The following DNAJB1 variants were observed in gnomAD, a reference collection of about 807,000 sequenced individuals.
DNAJB1 encodes the protein dnaJ homolog subfamily B member 1.
A neutral mutation model predicts 24.0 loss-of-function variants in DNAJB1; 14 were observed. The observed-to-expected ratio is 0.58, with a 90% CI of 0.39 to 0.91. The LOEUF (loss-of-function observed/expected upper bound fraction) is 0.91, where lower values mean the gene tolerates loss of function less well. Among genes scored for constraint, DNAJB1 ranks in the 40% least tolerant of loss-of-function variants. The probability of loss-of-function intolerance (pLI) is 0.00; values close to 1 mark genes in which losing one functional copy is unlikely to be tolerated. For synonymous variants in DNAJB1, 262 were observed against 174.4 expected, an observed-to-expected ratio of 1.50 and a Z score of -3.96; for missense variants, 517 against 458.1, an observed-to-expected ratio of 1.13 and a Z score of -1.17.
intron 1 of DNAJB1, among the ~76,000 whole-genome samples, chr19:14,559,244 C>T (rs1599487792): frequency 6.6e-6 from 1 of 152,240 alleles, no homozygotes; most frequent in African/African-American, 2.4e-5. Context: ...ATTGAGTGCA[C>T]GTGCATCATT....
upstream of DNAJB1, chr19:14,518,419 CTATATA>C: frequency 7.8e-7 from 1 of 1,281,076 alleles, no homozygotes; most frequent in South Asian, 1.9e-5. Flanking sequence ...GTCCCGGACT[CTATATA>C]CCCGTCCGGC....
chr19:14,535,570 ATATATATATATATATATATGTATG>A lies in DNAJB1; in HGVS notation c.-213-7784_-213-7761del, dbSNP rs1427046120. 3.0e-3 allele frequency among the ~76,000 whole-genome samples: 61 copies of A among 20,476 alleles called. 1 individual carries two copies. The highest frequency in any genetic ancestry group is 8.5e-3 in the East Asian group (10 of 1,172). 13.4% of individuals were successfully genotyped at this position (20,476 alleles called of 152,430 possible). On this transcript the variant is annotated intron_variant, in intron 1 of 3. Coordinates refer to the DNAJB1 transcript ENST00000676982. ...TATATATATATATATATATATATAT[ATATATATATATATATATATGTATG>A]TATATATAAATTAGCCAGGCATCAT...
upstream of DNAJB1, chr19:14,529,836 A>T (rs2072551830): frequency 5.0e-6 from 7 of 1,399,398 alleles, no homozygotes; most frequent in Admixed American, 3.7e-5. Context: ...GCGCAGGCGC[A>T]GTGGGCAAGC....
At chr19:14,540,303 C>T (rs1223945340) in intron 1 of DNAJB1, among the ~76,000 whole-genome samples, 4 of 151,966 alleles carry the variant, frequency 2.6e-5, no homozygotes, top group African/African-American at 7.3e-5. Flanking sequence ...CTCCTGACCT[C>T]GTGATCCACC....
At chr19:14,550,927 C>A (rs1158082307), upstream of DNAJB1, among the ~76,000 whole-genome samples, 1 of 152,006 alleles carries the variant, frequency 6.6e-6, no homozygotes, top group Non-Finnish European at 1.5e-5. Context: ...CCACCTTGGC[C>A]TCCCAGAGTA....
chr19:14,517,484 A>T (rs2146522216), intron 1 of DNAJB1: 1 of 160,320 alleles, frequency 6.2e-6, no homozygotes, highest in African/African-American at 2.4e-5. Context: ...CTCACACATT[A>T]GCATTCACTG....
At chr19:14,534,463 T>C (rs372686119), upstream of DNAJB1, among the ~76,000 whole-genome samples, 27 of 111,066 alleles carry the variant, frequency 2.4e-4, no homozygotes, top group African/African-American at 9.2e-4. Flanking sequence ...TGTGACAGAG[T>C]CTCGCTCTGT....
chr19:14,526,766 C>A (rs954406098), intron 2 of DNAJB1, among the ~76,000 whole-genome samples: 1 of 152,182 alleles, frequency 6.6e-6, no homozygotes, highest in Non-Finnish European at 1.5e-5. Flanking sequence ...ATGGAAGACT[C>A]ACCTCTTCAG....
Position 14,516,651 on chromosome 19 carries a change from T to G in DNAJB1, c.607A>C (p.Ile203Leu), listed in dbSNP as rs753009308. ...DGKSIRNEDK[I>L]LTIEVKKGWK... ...CCCTTCTTCACTTCGATGGTCAATA[T>G]TTTGTCTTCGTTTCGAATGCTCTTT... The change falls in exon 2 of 3, where the codon ATA (isoleucine) becomes CTA (leucine). Residue 203 changes from isoleucine to leucine, a missense_variant. Physicochemically the swap from Ile to Leu is conservative, Grantham distance 5. Coordinates refer to ENST00000254322, the MANE Select transcript of DNAJB1 (RefSeq NM_006145.3). 2 of 1,614,220 alleles carry G rather than the reference T, an allele frequency of 1.2e-6. No homozygotes were observed. The highest frequency in any genetic ancestry group is 1.7e-6 in the Non-Finnish European group (2 of 1,180,044).
intron 1 of DNAJB1, among the ~76,000 whole-genome samples, chr19:14,538,721 C>G (rs141867014): frequency 6.6e-6 from 1 of 150,698 alleles, no homozygotes; most frequent in Non-Finnish European, 1.5e-5. Flanking sequence ...TTAGTAGAGA[C>G]GGGGTTTCAG....
At chr19:14,557,203 A>G (rs930710441) in intron 1 of DNAJB1, among the ~76,000 whole-genome samples, 2 of 150,702 alleles carry the variant, frequency 1.3e-5, no homozygotes, top group Non-Finnish European at 3.0e-5. Context: ...GCAATGGCAT[A>G]AACTCAGCTC....
rs768069872 is a variant in DNAJB1, at chr19:14,515,941, T to TA, written c.1021dup (p.Ter341LeufsTer4). The TA allele has an allele frequency of 1.2e-6, 2 of 1,606,576 alleles. No homozygotes were observed. ...TCAGTCCTTGGGGAGCTCAGATAGC[T>TA]ATATTGGAAGAACCTGCTCAAGTAC... On this transcript the variant is annotated frameshift_variant and stop_lost, in exon 3 of 3. Transcript: ENST00000254322. LOFTEE classifies it high-confidence loss of function.
chr19:14,517,478 C>T (rs2072291344), intron 1 of DNAJB1: 1 of 162,634 alleles, frequency 6.1e-6, no homozygotes, highest in Non-Finnish European at 1.3e-5. Flanking sequence ...TAAATCCTCA[C>T]ACATTAGCAT....
intron 1 of DNAJB1, 67 bp from the exon 2 acceptor site, chr19:14,517,113 G>A (rs1254732313): frequency 6.6e-7 from 1 of 1,504,098 alleles, no homozygotes; most frequent in Admixed American, 2.0e-5. Context: ...TTCCCTTACA[G>A]GGGGAAACAG....
Position 14,516,491 on chromosome 19 carries a change from T to C in DNAJB1, c.767A>G (p.Tyr256Cys). The C allele has an allele frequency of 3.1e-6, 5 of 1,613,468 alleles. No individual in the cohort carries two copies. The highest frequency in any genetic ancestry group is 3.4e-6 in the Non-Finnish European group (4 of 1,179,410). ...IFKRDGSDVI[Y>C]PARISLREAL... ...CTCCCGGAGGCTGATCCTGGCAGGATAAATGACATCAGAGCCATCTCTCTT... is the reference window on the plus strand; with the variant it reads ...CTCCCGGAGGCTGATCCTGGCAGGACAAATGACATCAGAGCCATCTCTCTT... The change falls in exon 2 of 3, where the codon TAT becomes TGT. Residue 256 changes from tyrosine to cysteine, a missense_variant. Coordinates refer to ENST00000254322, the MANE Select transcript of DNAJB1 (RefSeq NM_006145.3).
intron 2 of DNAJB1, among the ~76,000 whole-genome samples, chr19:14,527,165 C>CTTTTTTTTTTTTTTTTTTTTTT (rs369143149): frequency 4.8e-5 from 2 of 41,264 alleles, no homozygotes; most frequent in Non-Finnish European, 8.1e-5. Flanking sequence ...AATATCTCTG[C>CTTTTTTTTTTTTTTTTTTTTTT]TTTTTTTTTT....
upstream of DNAJB1, chr19:14,529,373 C>A: frequency 3.8e-6 from 2 of 530,616 alleles, no homozygotes; most frequent in Non-Finnish European, 6.9e-6. Flanking sequence ...CAGAGACCTC[C>A]TTTGGATTGG....
chr19:14,548,618 C>T (rs2073382831), intron 1 of DNAJB1, among the ~76,000 whole-genome samples: 1 of 152,086 alleles, frequency 6.6e-6, no homozygotes, highest in Admixed American at 6.6e-5. Context: ...TGCACTGTCG[C>T]CCAGGCTGGA....
At chr19:14,548,184 G>C (rs777071934) in intron 1 of DNAJB1, among the ~76,000 whole-genome samples, 1 of 151,698 alleles carries the variant, frequency 6.6e-6, no homozygotes, top group Non-Finnish European at 1.5e-5. Flanking sequence ...GGATCGTGTC[G>C]ATCTCCTGAC....
Sources: gnomAD v4.1 joint callset for allele counts (sites outside exome capture counted in the v4.1 genomes callset) on GRCh38, gnomAD v4.1.1 for gene constraint, MANE v1.5 for transcripts, NCBI Gene and HGNC (gene_info 2026-07-23, HGNC 2026-07-21) for gene names.